Variants in HCN1 observed in about 807,000 individuals in gnomAD.
The protein encoded by HCN1 is hyperpolarization activated cyclic nucleotide gated potassium channel 1.
Under a neutral mutation model 78.9 loss-of-function variants are expected in HCN1, and 13 were observed. The ratio of observed to expected loss-of-function variants is 0.16; its 90% confidence interval spans 0.11 to 0.26. HCN1 has a LOEUF of 0.26. Ranked by LOEUF, HCN1 falls within the 10% of genes least tolerant of loss-of-function variation. The pLI, the probability that HCN1 is intolerant of heterozygous loss-of-function variation, is 1.00. For missense variants in HCN1, 810 were observed against 1,154.3 expected, an observed-to-expected ratio of 0.70 and a Z score of 4.32; for synonymous variants, 552 against 455.5, an observed-to-expected ratio of 1.21 and a Z score of -2.70.
chr5:45,584,629 G>T (rs893829754), intron 2 of HCN1, among the ~76,000 whole-genome samples: 20 of 152,146 alleles, frequency 1.3e-4, no homozygotes, highest in African/African-American at 4.8e-4. Flanking sequence ...TAGCCTCGAT[G>T]GTCTTTACAA....
chr5:45,558,795 A>T (rs1316880056), intron 2 of HCN1: 1 of 151,862 alleles, frequency 6.6e-6, no homozygotes, highest in Non-Finnish European at 1.5e-5. Context: ...TAGATACAGG[A>T]TCTTGCTCTG....
At chr5:45,482,201 T>G (rs1421976766) in intron 2 of HCN1, among the ~76,000 whole-genome samples, 6 of 152,172 alleles carry the variant, frequency 3.9e-5, no homozygotes, top group African/African-American at 1.4e-4. Flanking sequence ...TTTCAGAAAT[T>G]TGCTGATCTT....
chr5:45,386,332 T>C (rs1747908210), intron 4 of HCN1, among the ~76,000 whole-genome samples: 1 of 151,944 alleles, frequency 6.6e-6, no homozygotes, highest in South Asian at 2.1e-4. Context: ...CGAGCCATCA[T>C]GTTCATCTAA....
chr5:45,640,856 T>C (rs1330830771), intron 2 of HCN1, among the ~76,000 whole-genome samples: 2 of 110,628 alleles, frequency 1.8e-5, no homozygotes, highest in South Asian at 2.7e-4. Context: ...AAAGGAGTGA[T>C]AGAAAAAAAA....
rs537809983 is a variant in HCN1 at position 45,537,943 on chromosome 5, C to T, written c.850-75936G>A. Among the ~76,000 whole-genome samples the T allele has an allele frequency of 4.0e-5, 6 of 151,792 alleles. No homozygotes were observed. The South Asian group carries it at 1.2e-3, about 32-fold the overall frequency. ...TCAATGGATCTTTGACAGAAAGTACCGTCCTTTGGCTGTGATATGAAAGGA... is the reference window on the plus strand; with the variant it reads ...TCAATGGATCTTTGACAGAAAGTACTGTCCTTTGGCTGTGATATGAAAGGA... On this transcript the variant is annotated intron_variant, in intron 2 of 7. Coordinates refer to ENST00000303230, the MANE Select transcript of HCN1 (RefSeq NM_021072.4).
At chr5:45,537,523 CTTTTTTTTTTTTTTTTTTTTTT>C (rs71000638) in intron 2 of HCN1, among the ~76,000 whole-genome samples, 2 of 25,744 alleles carry the variant, frequency 7.8e-5, no homozygotes, top group Non-Finnish European at 1.3e-4. Flanking sequence ...AACTCTAAGT[CTTTTTTTTTTTTTTTTTTTTTT>C]TTTTTTTTTT....
chr5:45,271,980 A>C (rs1242351208), intron 6 of HCN1, among the ~76,000 whole-genome samples: 1 of 152,152 alleles, frequency 6.6e-6, no homozygotes, highest in East Asian at 1.9e-4. Context: ...ATAGTCATTA[A>C]GAAGTATGAA....
chr5:45,559,548 A>G (rs767208785), intron 2 of HCN1: 1 of 152,278 alleles, frequency 6.6e-6, no homozygotes, highest in Non-Finnish European at 1.5e-5. Context: ...TGTGGTAGAA[A>G]TAGCAAGAGA....
chr5:45,375,311 TATATA>T lies in HCN1; in HGVS notation c.1230+21176_1230+21180del, dbSNP rs554795004. Among the ~76,000 whole-genome samples the T allele has an allele frequency of 4.2e-3, 483 of 113,966 alleles. 7 individuals carry two copies. Among genetic ancestry groups the T allele is most frequent in the African/African-American group, 0.016 (470 of 29,888 alleles). The allele number at this position is 113,966 out of a possible 152,430, so 74.8% of individuals were successfully genotyped here. On this transcript the variant is annotated intron_variant, in intron 4 of 7. Coordinates refer to ENST00000303230, the MANE Select transcript of HCN1 (RefSeq NM_021072.4). The stretch of plus-strand genomic sequence containing the variant: ...ATAATATATTTCATGATATACAATA[TATATA>T]ATATAATATTTTATGATATACAATA...
chr5:45,567,526 C>A (rs1472583382), intron 2 of HCN1, among the ~76,000 whole-genome samples: 4 of 146,164 alleles, frequency 2.7e-5, no homozygotes. Flanking sequence ...TTAACTAAAC[C>A]CAGATGGTGA....
intron 2 of HCN1, among the ~76,000 whole-genome samples, chr5:45,535,071 C>T (rs898961589): frequency 3.9e-5 from 6 of 152,040 alleles, no homozygotes; most frequent in Admixed American, 3.3e-4. Context: ...AAATCACGCA[C>T]TATAAAACCA....
At chr5:45,282,695 T>C (rs1370820704) in intron 6 of HCN1, among the ~76,000 whole-genome samples, 2 of 152,166 alleles carry the variant, frequency 1.3e-5, no homozygotes, top group Admixed American at 1.3e-4. Context: ...AGCATCTACT[T>C]AGTTCCAGCT....
At chr5:45,382,686 A>G (rs2112026902) in intron 4 of HCN1, among the ~76,000 whole-genome samples, 1 of 152,308 alleles carries the variant, frequency 6.6e-6, no homozygotes, top group South Asian at 2.1e-4. Flanking sequence ...TTAGCACTAA[A>G]TAACACCTGA....
chr5:45,290,307 T>G (rs186141285), intron 6 of HCN1, among the ~76,000 whole-genome samples: 2 of 152,070 alleles, frequency 1.3e-5, no homozygotes, highest in Admixed American at 1.3e-4. Context: ...AATGGACAAA[T>G]ACAGGGCACT....
At chr5:45,512,465 T>C (rs1489276547) in intron 2 of HCN1, among the ~76,000 whole-genome samples, 1 of 152,152 alleles carries the variant, frequency 6.6e-6, no homozygotes, top group South Asian at 2.1e-4. Flanking sequence ...CAGACCTAAC[T>C]AGTTATTAAC....
intron 6 of HCN1, among the ~76,000 whole-genome samples, chr5:45,283,133 T>C (rs1440863075): frequency 6.6e-6 from 1 of 152,168 alleles, no homozygotes; most frequent in African/African-American, 2.4e-5. Context: ...TTCGAAATTA[T>C]TAAAGAGAAT....
rs1480052434 is a variant in HCN1, at chr5:45,326,188, TCATGTACCCCATAAATA to T, written c.1378-22366_1378-22350del. On this transcript the variant is annotated intron_variant, in intron 5 of 7. Coordinates refer to ENST00000303230, the MANE Select transcript of HCN1 (RefSeq NM_021072.4). ...CATTGCATGCCTGTACTAAAACATC[TCATGTACCCCATAAATA>T]CATACACCTACTACATACCCACATA... Among the ~76,000 whole-genome samples the T allele has an allele frequency of 4.6e-5, 7 of 151,690 alleles. No individual in the cohort carries two copies. In the East Asian group the frequency reaches 1.4e-3, roughly 30 times the overall value.
chr5:45,695,633 T>A, intron 1 of HCN1, 36 bp downstream of exon 1: 1 of 1,592,800 alleles, frequency 6.3e-7, no homozygotes. Flanking sequence ...AGGGCGCGCC[T>A]GAAGGGAGGG....
At chr5:45,323,218 A>G (rs1043291238) in intron 5 of HCN1, among the ~76,000 whole-genome samples, 51 of 151,926 alleles carry the variant, frequency 3.4e-4, no homozygotes, top group African/African-American at 2.4e-5. Context: ...AATATACACC[A>G]GATTGTGAAG....
Sources: allele counts gnomAD v4.1 joint callset (sites outside exome capture counted in the v4.1 genomes callset), GRCh38; gene constraint gnomAD v4.1.1; transcripts MANE v1.5; gene names NCBI Gene and HGNC (gene_info 2026-07-23, HGNC 2026-07-21).